The following DLG2 variants were observed in gnomAD, a reference collection of about 807,000 sequenced individuals.
The protein encoded by DLG2 is discs large MAGUK scaffold protein 2.
In DLG2, 45 loss-of-function variants were observed where a neutral mutation model predicts 132.5. The ratio of observed to expected loss-of-function variants is 0.34; its 90% CI spans 0.27 to 0.44. DLG2 has a LOEUF of 0.44. DLG2 is among the 20% of genes least tolerant of loss of function. The pLI is 1.00. For synonymous variants in DLG2, 424 were observed against 419.6 expected, an observed-to-expected ratio of 1.01 and a Z score of -0.13; for missense variants, 1,045 against 1,196.9, an observed-to-expected ratio of 0.87 and a Z score of 1.87.
In DLG2 at chr11:85,616,380, T is replaced by C. The variant is rs951559847; in HGVS notation, c.-93+10207A>G. Reference sequence around the variant, plus strand: ...AGGATTACATGATTTTCACAGGATCTTGGTGGCATCATCATAAGAAGGCAA... The same window carrying C: ...AGGATTACATGATTTTCACAGGATCCTGGTGGCATCATCATAAGAAGGCAA... On this transcript the variant is annotated intron_variant, in intron 2 of 27. Transcript: ENST00000376104. 5.3e-5 allele frequency among the ~76,000 whole-genome samples: 8 copies of C among 152,234 alleles called. 1 individual carries two copies. Among genetic ancestry groups the C allele is most frequent in the Admixed American group, 5.2e-4 (8 of 15,288 alleles).
In DLG2 at chr11:84,201,808, C is replaced by CTTTTTTT. The variant is rs58905339; in HGVS notation, c.574-38304_574-38298dup. ...TCACAGAGTTAGAAGAAACTATTTTCTTTTTTTTTTTTTTTTTTTTTTTTT... is the reference window on the plus strand; with the variant it reads ...TCACAGAGTTAGAAGAAACTATTTTCTTTTTTTTTTTTTTTTTTTTTTTTTTTTTTTT... On this transcript the variant is annotated intron_variant, in intron 8 of 27. Transcript: ENST00000376104. Among the ~76,000 whole-genome samples the CTTTTTTT allele has an allele frequency of 1.1e-3, 69 of 64,608 alleles. 1 individual carries two copies. The highest frequency in any genetic ancestry group is 2.0e-3 in the East Asian group (4 of 2,050). 42.4% of individuals were successfully genotyped at this position (64,608 alleles called of 152,430 possible).
At chr11:83,590,691 T>C (rs2097172814) in intron 19 of DLG2, among the ~76,000 whole-genome samples, 1 of 152,230 alleles carries the variant, frequency 6.6e-6, no homozygotes, top group Non-Finnish European at 1.5e-5. Context: ...AAAAAATTAA[T>C]GAATCCAGGA....
At chr11:84,591,223 C>CTCTGTGTGTGTGTGTGTGTGTG (rs1555073566) in intron 6 of DLG2, among the ~76,000 whole-genome samples, 10 of 139,220 alleles carry the variant, frequency 7.2e-5, no homozygotes, top group Non-Finnish European at 1.2e-4. Flanking sequence ...ATGTGTCTCT[C>CTCTGTGTGTGTGTGTGTGTGTG]TGTGTGTGTG....
rs188968224 is a variant in DLG2 at position 84,791,991 on chromosome 11, G to A, written c.358-257260C>T. The stretch of plus-strand genomic sequence containing the variant: ...TATGCTGAATAACAGTGATGAAAGT[G>A]AGCATCCTTATCATGTTGCAGATCT... On this transcript the variant is annotated intron_variant, in intron 6 of 27. Transcript: ENST00000376104. 6.6e-5 allele frequency among the ~76,000 whole-genome samples: 10 copies of A among 152,234 alleles called. No individual in the cohort carries two copies. In the East Asian group the frequency reaches 1.5e-3, roughly 24 times the overall value.
intron 6 of DLG2, among the ~76,000 whole-genome samples, chr11:84,666,407 T>A (rs1335918278): frequency 3.3e-5 from 5 of 152,174 alleles, no homozygotes; most frequent in Non-Finnish European, 7.3e-5. Flanking sequence ...ATTTTAGACT[T>A]GACAGCCTCT....
chr11:84,787,399 C>T (rs1427177607), intron 6 of DLG2, among the ~76,000 whole-genome samples: 1 of 152,102 alleles, frequency 6.6e-6, no homozygotes, highest in Non-Finnish European at 1.5e-5. Context: ...AAATGCTGTT[C>T]CCTATGCACA....
intron 3 of DLG2, among the ~76,000 whole-genome samples, chr11:85,592,406 T>C (rs889659219): frequency 2.0e-5 from 3 of 152,220 alleles, no homozygotes; most frequent in Admixed American, 6.5e-5. Context: ...ATCCATGATA[T>C]GTAATTTGTT....
intron 11 of DLG2, among the ~76,000 whole-genome samples, chr11:84,003,497 C>G (rs2094448845): frequency 6.6e-6 from 1 of 151,988 alleles, no homozygotes; most frequent in Non-Finnish European, 1.5e-5. Flanking sequence ...CTGGGGAGGC[C>G]TCAACAAACT....
chr11:84,226,605 G>A (rs1168025409), intron 8 of DLG2, among the ~76,000 whole-genome samples: 1 of 152,106 alleles, frequency 6.6e-6, no homozygotes, highest in Non-Finnish European at 1.5e-5. Flanking sequence ...CATACTATGT[G>A]CCCAGAAAGT....
chr11:85,289,564 G>C (rs575607014), intron 3 of DLG2, among the ~76,000 whole-genome samples: 25 of 152,284 alleles, frequency 1.6e-4, no homozygotes, highest in Non-Finnish European at 3.4e-4. Flanking sequence ...TTGGAAAGTT[G>C]TAGGGGATTG....
At chr11:84,093,553 C>A (rs12271033) in intron 10 of DLG2, among the ~76,000 whole-genome samples, 1 of 152,152 alleles carries the variant, frequency 6.6e-6, no homozygotes, top group Non-Finnish European at 1.5e-5. Flanking sequence ...GGAGTGACAT[C>A]TCATCATAGT....
chr11:83,597,422 T>C (rs190763849), intron 19 of DLG2, among the ~76,000 whole-genome samples: 2 of 152,324 alleles, frequency 1.3e-5, no homozygotes, highest in African/African-American at 4.8e-5. Context: ...ACACAGTGGC[T>C]CATGCCTGTA....
intron 9 of DLG2, among the ~76,000 whole-genome samples, chr11:84,102,204 T>C (rs1428744580): frequency 1.3e-5 from 2 of 152,308 alleles, no homozygotes; most frequent in Non-Finnish European, 2.9e-5. Flanking sequence ...TTATGCTTAC[T>C]TACATTATGC....
intron 6 of DLG2, among the ~76,000 whole-genome samples, chr11:84,857,834 T>G (rs1174065727): frequency 6.6e-6 from 1 of 152,044 alleles, no homozygotes; most frequent in Non-Finnish European, 1.5e-5. Flanking sequence ...TTATTTCAAT[T>G]CTAAAGTTGT....
intron 10 of DLG2, among the ~76,000 whole-genome samples, chr11:84,092,489 C>T (rs1010935542): frequency 2.6e-5 from 4 of 152,140 alleles, no homozygotes; most frequent in African/African-American, 9.7e-5. Flanking sequence ...GGAAGTAGTA[C>T]CTGAAACCTT....
chr11:83,809,973 T>G (rs544465912), intron 17 of DLG2, among the ~76,000 whole-genome samples: 1 of 152,270 alleles, frequency 6.6e-6, no homozygotes, highest in South Asian at 2.1e-4. Context: ...GGAAAAAGTA[T>G]GGATTTTTGG....
chr11:84,991,045 T>A (rs1175848034), intron 6 of DLG2, among the ~76,000 whole-genome samples: 1 of 152,146 alleles, frequency 6.6e-6, no homozygotes. Context: ...TAAAAAAGAA[T>A]GGACTATCAG....
chr11:84,108,229 G>C (rs1303891917), intron 9 of DLG2, among the ~76,000 whole-genome samples: 1 of 151,940 alleles, frequency 6.6e-6, no homozygotes, highest in Non-Finnish European at 1.5e-5. Flanking sequence ...CAGATTTCAG[G>C]GTTCAATATT....
intron 17 of DLG2, among the ~76,000 whole-genome samples, chr11:83,802,666 A>G: frequency 6.6e-6 from 1 of 152,212 alleles, no homozygotes; most frequent in Non-Finnish European, 1.5e-5. Flanking sequence ...ATAATGGAAT[A>G]CTATGCAGTC....
Sources: allele counts gnomAD v4.1 joint callset (sites outside exome capture counted in the v4.1 genomes callset), GRCh38; gene constraint gnomAD v4.1.1; transcripts MANE v1.5; gene names NCBI Gene and HGNC (gene_info 2026-07-23, HGNC 2026-07-21).